SYNJ1: variants seen among roughly 807,000 people sequenced by gnomAD.
SYNJ1 encodes synaptojanin 1.
In SYNJ1, 78 loss-of-function variants were observed where a neutral mutation model predicts 168.2. The ratio of observed to expected loss-of-function variants is 0.46; its 90% CI spans 0.39 to 0.56. SYNJ1 has a LOEUF of 0.56. Among genes scored for constraint, SYNJ1 ranks in the 20% least tolerant of loss-of-function variants. SYNJ1 has a pLI of 0.00. For missense variants in SYNJ1, 1,303 were observed against 1,597.6 expected, an observed-to-expected ratio of 0.82 and a Z score of 3.14; for synonymous variants, 539 against 548.6, an observed-to-expected ratio of 0.98 and a Z score of 0.24.
intron 6 of SYNJ1, 152 bp downstream of exon 6, chr21:32,694,076 T>C: frequency 2.2e-6 from 1 of 452,420 alleles, no homozygotes; most frequent in Non-Finnish European, 3.8e-6. Context: ...CCAGAAACTC[T>C]GTACTCGTCT....
chr21:32,685,224 T>C (rs184667793), intron 9 of SYNJ1, among the ~76,000 whole-genome samples: 1 of 148,964 alleles, frequency 6.7e-6, no homozygotes, highest in Non-Finnish European at 1.5e-5. Context: ...GCCTGCTCCA[T>C]AAAATGCGCT....
At chr21:32,668,009 ATGTGTGTGTGTGTGTGTG>A (rs3056370) in intron 15 of SYNJ1, among the ~76,000 whole-genome samples, 6 of 143,902 alleles carry the variant, frequency 4.2e-5, no homozygotes, top group Non-Finnish European at 6.1e-5. Flanking sequence ...AAGAATATAT[ATGTGTGTGTGTGTGTGTG>A]TGTGTGTGTG....
intron 10 of SYNJ1, among the ~76,000 whole-genome samples, chr21:32,682,421 T>G (rs2146055683): frequency 6.6e-6 from 1 of 152,266 alleles, no homozygotes; most frequent in East Asian, 1.9e-4. Flanking sequence ...ACGTTTTATT[T>G]TATCATGTAA....
intron 2 of SYNJ1, among the ~76,000 whole-genome samples, chr21:32,705,488 T>A (rs1485365204): frequency 6.6e-6 from 1 of 152,116 alleles, no homozygotes; most frequent in Non-Finnish European, 1.5e-5. Flanking sequence ...TTGAGATATG[T>A]CACAAACATG....
chr21:32,639,888 C>T (rs1363989181), intron 29 of SYNJ1, 109 bp from the exon 30 acceptor site: 1 of 844,948 alleles, frequency 1.2e-6, no homozygotes, highest in African/African-American at 1.7e-5. Flanking sequence ...TGGTATTAGT[C>T]CCTAATTTGT....
chr21:32,657,147 A>G (rs1458899535), intron 19 of SYNJ1, 27 bp from the exon 20 acceptor site: 4 of 1,458,330 alleles, frequency 2.7e-6, no homozygotes, highest in Middle Eastern at 3.5e-4. Flanking sequence ...TGAAAACACA[A>G]GAGAAGCTGT....
chr21:32,678,817 A>G lies in SYNJ1; in HGVS notation c.1354-16T>C, dbSNP rs1223499692. On this transcript the variant is annotated splice_polypyrimidine_tract_variant and intron_variant, in intron 11 of 32. Coordinates refer to ENST00000674351, the MANE Select transcript of SYNJ1 (RefSeq NM_203446.3). ...CATCTTTTAACTTTCCAGCCTGTTA[A>G]GAAAGGAGCGCAGATTTTCATTTTA... 6.3e-7 allele frequency: 1 copy of G among 1,598,964 alleles called. No homozygotes were observed.
chr21:32,642,252 A>G, intron 27 of SYNJ1, 119 bp from the exon 28 acceptor site: 2 of 1,055,424 alleles, frequency 1.9e-6, no homozygotes, highest in Non-Finnish European at 2.9e-6. Flanking sequence ...AGATGGTAAC[A>G]AAACAAAGCA....
At chr21:32,666,677 C>G in intron 15 of SYNJ1, 104 bp from the exon 16 acceptor site, 2 of 1,196,336 alleles carry the variant, frequency 1.7e-6, no homozygotes, top group Non-Finnish European at 2.2e-6. Context: ...TATCCTAAGA[C>G]TCTGAAGGAA....
At chr21:32,701,793 G>T (rs1252310535) in intron 3 of SYNJ1, among the ~76,000 whole-genome samples, 168 bp downstream of exon 3, 1 of 152,086 alleles carries the variant, frequency 6.6e-6, no homozygotes, top group Non-Finnish European at 1.5e-5. Context: ...GCCTTTTTGG[G>T]CAACAAACAT....
chr21:32,664,948 C>T lies in SYNJ1; in HGVS notation c.2269G>A (p.Gly757Arg). 6.2e-7 allele frequency: 1 copy of T among 1,612,272 alleles called. No homozygotes were observed. The highest frequency in any genetic ancestry group is 1.3e-5 in the African/African-American group (1 of 74,988). The change falls in exon 18 of 33, where the codon GGA becomes AGA. Residue 757 changes from glycine (G) to arginine (R), a missense_variant. Physicochemically the swap from Gly to Arg is moderately radical, Grantham distance 125. This residue lies in a region of SYNJ1 where 920 missense variants were observed against 1,208.8 expected (regional missense o/e 0.76). Transcript: ENST00000674351. The stretch of plus-strand genomic sequence containing the variant: ...TTTTTCTGATTGATAAGTTGATCTC[C>T]TGCTATAAGAGAATCCCAATTTTGC... The part of the protein sequence containing the change: ...RQQNWDSLIA[G>R]DQLINQKNAG...
chr21:32,675,707 A>C (rs965849414), intron 13 of SYNJ1, among the ~76,000 whole-genome samples: 1 of 152,248 alleles, frequency 6.6e-6, no homozygotes, highest in South Asian at 2.1e-4. Flanking sequence ...TGCCCAGAGA[A>C]TGAAGACGTG....
intron 4 of SYNJ1, 70 bp downstream of exon 4, chr21:32,699,768 G>T (rs1601467331): frequency 6.5e-7 from 1 of 1,536,438 alleles, no homozygotes; most frequent in Non-Finnish European, 8.7e-7. Flanking sequence ...CGGTGAGGAG[G>T]TTTTTGATGA....
intron 11 of SYNJ1, 48 bp downstream of exon 11, chr21:32,681,448 A>G (rs2041618838): frequency 4.6e-6 from 7 of 1,532,100 alleles, no homozygotes; most frequent in Non-Finnish European, 6.2e-6. Flanking sequence ...CTTTATGAAG[A>G]GAGGAAAAAG....
chr21:32,657,235 C>T, intron 19 of SYNJ1, 115 bp from the exon 20 acceptor site: 1 of 697,854 alleles, frequency 1.4e-6, no homozygotes, highest in Non-Finnish European at 2.4e-6. Context: ...GGCTGGAATG[C>T]CAGAAACACT....
chr21:32,717,799 T>C (rs547406563), intron 2 of SYNJ1, among the ~76,000 whole-genome samples: 4 of 152,344 alleles, frequency 2.6e-5, no homozygotes, highest in African/African-American at 9.6e-5. Context: ...GAGCTCTTTG[T>C]GCAACTGTCT....
chr21:32,638,584 C>T (rs1449012692), intron 31 of SYNJ1, among the ~76,000 whole-genome samples: 1 of 152,074 alleles, frequency 6.6e-6, no homozygotes, highest in Non-Finnish European at 1.5e-5. Flanking sequence ...GTAATCCCAG[C>T]TACTCAGGAG....
At chr21:32,722,198 AAAAAAAAATAT>A (rs1227726875) in intron 2 of SYNJ1, among the ~76,000 whole-genome samples, 70 of 113,526 alleles carry the variant, frequency 6.2e-4, no homozygotes, top group African/African-American at 2.6e-3. Context: ...AGAAAAAAAA[AAAAAAAAATAT>A]ATATATATAT....
intron 15 of SYNJ1, among the ~76,000 whole-genome samples, chr21:32,669,892 CATTA>C (rs2041120922): frequency 6.6e-6 from 1 of 152,112 alleles, no homozygotes; most frequent in South Asian, 2.1e-4. Flanking sequence ...TTAAACTAGA[CATTA>C]AAGAGATTTG....
Sources: allele counts gnomAD v4.1 joint callset (sites outside exome capture counted in the v4.1 genomes callset), GRCh38; gene constraint gnomAD v4.1.1; regional missense constraint gnomAD v4.1.1; transcripts MANE v1.5; gene names NCBI Gene and HGNC (gene_info 2026-07-23, HGNC 2026-07-21).